Variants in IGF2BP2 observed in about 807,000 individuals in gnomAD.
The protein encoded by IGF2BP2 is insulin-like growth factor 2 mRNA-binding protein 2.
A neutral mutation model predicts 75.8 loss-of-function variants in IGF2BP2; 17 were observed. The ratio of observed to expected loss-of-function variants is 0.22; its 90% CI spans 0.15 to 0.34. The LOEUF (loss-of-function observed/expected upper bound fraction) is 0.34, where lower values mean the gene tolerates loss of function less well. IGF2BP2 is among the 10% of genes least tolerant of loss of function. IGF2BP2 has a pLI of 1.00. For synonymous variants in IGF2BP2, 288 were observed against 295.6 expected (o/e 0.97, Z 0.26); for missense variants, 516 against 772.4 (o/e 0.67, Z 3.93).
chr3:185,752,006 T>G (rs532714372), intron 2 of IGF2BP2, among the ~76,000 whole-genome samples: 40 of 152,232 alleles, frequency 2.6e-4, no homozygotes, highest in African/African-American at 9.4e-4. Flanking sequence ...ATGAATGCTA[T>G]TAGTTGTGTA....
At chr3:185,713,939 G>C (rs905544478) in intron 2 of IGF2BP2, among the ~76,000 whole-genome samples, 10 of 152,222 alleles carry the variant, frequency 6.6e-5, no homozygotes, top group Non-Finnish European at 1.0e-4. Context: ...GACCTCAGGT[G>C]ATCCGCCCAT....
At chr3:185,685,617 T>A (rs1040731748) in intron 7 of IGF2BP2, among the ~76,000 whole-genome samples, 1 of 152,204 alleles carries the variant, frequency 6.6e-6, no homozygotes, top group Non-Finnish European at 1.5e-5. Flanking sequence ...CTGCCACCGC[T>A]ACCCACAAAC....
At chr3:185,729,272 T>C (rs1005384636) in intron 2 of IGF2BP2, among the ~76,000 whole-genome samples, 1 of 152,228 alleles carries the variant, frequency 6.6e-6, no homozygotes, top group Non-Finnish European at 1.5e-5. Flanking sequence ...ATGGCCACTT[T>C]CTTCCTGGGT....
chr3:185,662,059 T>C (rs1166082156), intron 10 of IGF2BP2, among the ~76,000 whole-genome samples: 5 of 152,110 alleles, frequency 3.3e-5, no homozygotes, highest in Non-Finnish European at 7.4e-5. Context: ...GGCTACAGAC[T>C]TGACACTCAG....
intron 10 of IGF2BP2, among the ~76,000 whole-genome samples, chr3:185,672,107 C>T (rs1718597505): frequency 6.6e-6 from 1 of 152,078 alleles, no homozygotes; most frequent in Non-Finnish European, 1.5e-5. Flanking sequence ...ATTAATAAGA[C>T]AATACATTTG....
chr3:185,725,854 C>G (rs186224378), intron 2 of IGF2BP2, among the ~76,000 whole-genome samples: 325 of 152,140 alleles, frequency 2.1e-3, no homozygotes, highest in Non-Finnish European at 3.7e-3. Flanking sequence ...GCTTGTAGTC[C>G]CAGTTACTTG....
intron 2 of IGF2BP2, among the ~76,000 whole-genome samples, chr3:185,790,608 C>A (rs1736517609): frequency 6.6e-6 from 1 of 152,146 alleles, no homozygotes; most frequent in African/African-American, 2.4e-5. Context: ...CCTTTCCTTC[C>A]TAAAATTGTT....
Position 185,761,905 on chromosome 3 carries a change from G to T in IGF2BP2, c.239+61248C>A, listed in dbSNP as rs528068202. On this transcript the variant is annotated intron_variant, in intron 2 of 15. Coordinates refer to ENST00000382199, the MANE Select transcript of IGF2BP2 (RefSeq NM_006548.6). ...CAAGGGGGCACGGAGTGAAAAACGT[G>T]TTATTCTAGGGTCCGTGGTTACTTG... is the stretch of plus-strand genomic sequence containing the variant. 6.2e-4 allele frequency among the ~76,000 whole-genome samples: 95 copies of T among 152,330 alleles called. 1 individual carries two copies. The highest frequency in any genetic ancestry group is 2.0e-3 in the African/African-American group (82 of 41,572).
chr3:185,759,361 T>G (rs913708957), intron 2 of IGF2BP2, among the ~76,000 whole-genome samples: 1 of 152,210 alleles, frequency 6.6e-6, no homozygotes, highest in South Asian at 2.1e-4. Context: ...GTGCATAGAT[T>G]AGTTGAATGT....
At chr3:185,744,095 A>G (rs1230600107) in intron 2 of IGF2BP2, among the ~76,000 whole-genome samples, 1 of 152,220 alleles carries the variant, frequency 6.6e-6, no homozygotes, top group Non-Finnish European at 1.5e-5. Context: ...TGCACCTGTC[A>G]TCTTTGGCAC....
At chr3:185,773,441 C>T (rs760455290) in intron 2 of IGF2BP2, among the ~76,000 whole-genome samples, 50 of 152,272 alleles carry the variant, frequency 3.3e-4, no homozygotes, top group Admixed American at 7.2e-4. Flanking sequence ...GTGCAGATTA[C>T]ACATTCAAAT....
intron 10 of IGF2BP2, among the ~76,000 whole-genome samples, chr3:185,672,228 T>A (rs1718624962): frequency 6.6e-6 from 1 of 152,222 alleles, no homozygotes; most frequent in Non-Finnish European, 1.5e-5. Context: ...ACTCATGAAA[T>A]GTTCTTATTT....
At chr3:185,755,262 C>T (rs1486902099) in intron 2 of IGF2BP2, among the ~76,000 whole-genome samples, 2 of 152,222 alleles carry the variant, frequency 1.3e-5, no homozygotes, top group Non-Finnish European at 2.9e-5. Context: ...GTTCACAGGG[C>T]CCCAGGTACA....
At chr3:185,685,674 G>T (rs949730824) in intron 7 of IGF2BP2, among the ~76,000 whole-genome samples, 3 of 152,084 alleles carry the variant, frequency 2.0e-5, no homozygotes, top group African/African-American at 7.2e-5. Context: ...TTAGGGACAG[G>T]GTGGTGCTCT....
chr3:185,738,460 G>C (rs745772472), intron 2 of IGF2BP2, among the ~76,000 whole-genome samples: 9 of 152,214 alleles, frequency 5.9e-5, no homozygotes, highest in Non-Finnish European at 1.2e-4. Context: ...GGGGAGTCAG[G>C]AAGGGCTTCA....
rs149587574 is a variant in IGF2BP2 at position 185,698,371 on chromosome 3, A to C, written c.240-24T>G. On this transcript the variant is annotated intron_variant, in intron 2 of 15. Coordinates refer to ENST00000382199, the MANE Select transcript of IGF2BP2 (RefSeq NM_006548.6). Reference sequence around the variant, plus strand: ...TCCTGTAAAGATAAAACCACAGACTATAACACTTTCTCCAGGACACAAACT... The same window carrying C: ...TCCTGTAAAGATAAAACCACAGACTCTAACACTTTCTCCAGGACACAAACT... 324 of 1,608,444 alleles carry C rather than the reference A, an allele frequency of 2.0e-4. No individual in the cohort carries two copies. In the African/African-American group the frequency reaches 3.6e-3, roughly 18 times the overall value.
intron 2 of IGF2BP2, among the ~76,000 whole-genome samples, chr3:185,792,665 AGT>A (rs1417402469): frequency 2.0e-5 from 3 of 151,084 alleles, no homozygotes; most frequent in Non-Finnish European, 2.9e-5. Flanking sequence ...TACTCGGGAG[AGT>A]GAGGCAGAGA....
chr3:185,670,866 G>A (rs1039236304), intron 10 of IGF2BP2, among the ~76,000 whole-genome samples: 4 of 152,078 alleles, frequency 2.6e-5, no homozygotes, highest in Non-Finnish European at 4.4e-5. Flanking sequence ...CATCATGCCC[G>A]GCCTAGATTA....
intron 2 of IGF2BP2, among the ~76,000 whole-genome samples, chr3:185,811,841 T>G (rs9852647): frequency 0.36 from 52,508 of 144,090 alleles, 11,324 homozygotes; most frequent in African/African-American, 0.63. Context: ...TCTCTCTCTC[T>G]CTCTCTCTCT....
Sources: gnomAD v4.1 joint callset for allele counts (sites outside exome capture counted in the v4.1 genomes callset) on GRCh38, gnomAD v4.1.1 for gene constraint, MANE v1.5 for transcripts, NCBI Gene and HGNC (gene_info 2026-07-23, HGNC 2026-07-21) for gene names.